Variants in SGPP2 observed in about 807,000 individuals in gnomAD.
SGPP2 encodes the protein sphingosine-1-phosphate phosphatase 2, also known as sphingosine 1-phosphate phosphohydrolase 2.
In SGPP2, 30 loss-of-function variants were observed where a neutral mutation model predicts 33.9. The ratio of observed to expected loss-of-function variants is 0.89; its 90% CI spans 0.66 to 1.20. The LOEUF is 1.20. Ranked by LOEUF, SGPP2 falls within the 50% of genes most tolerant of loss-of-function variation. The pLI, the probability that SGPP2 is intolerant of heterozygous loss-of-function variation, is 0.00. For missense variants in SGPP2, 458 were observed against 532.1 expected (o/e 0.86, Z 1.37); for synonymous variants, 233 against 225.0 (o/e 1.04, Z -0.32).
intron 4 of SGPP2, among the ~76,000 whole-genome samples, chr2:222,536,791 A>G (rs184953142): frequency 6.0e-4 from 92 of 152,370 alleles, no homozygotes; most frequent in Non-Finnish European, 1.1e-3. Flanking sequence ...GATGTTTAGG[A>G]AAATATTGGC....
At chr2:222,439,614 C>T (rs531289180) in intron 1 of SGPP2, among the ~76,000 whole-genome samples, 27 of 152,134 alleles carry the variant, frequency 1.8e-4, no homozygotes, top group Non-Finnish European at 2.8e-4. Flanking sequence ...TAGAATACTA[C>T]TCAGCAGTAA....
intron 4 of SGPP2, among the ~76,000 whole-genome samples, chr2:222,528,656 A>G (rs1698795471): frequency 6.6e-6 from 1 of 152,212 alleles, no homozygotes; most frequent in Admixed American, 6.5e-5. Context: ...TCAGTCTGTC[A>G]CCTGGGCTGG....
chr2:222,426,856 T>C (rs545646806), intron 1 of SGPP2, among the ~76,000 whole-genome samples: 1 of 152,346 alleles, frequency 6.6e-6, no homozygotes, highest in Admixed American at 6.5e-5. Flanking sequence ...TACAGGACTT[T>C]AAGGGGGCAG....
At chr2:222,512,349 G>A (rs768210743) in intron 2 of SGPP2, among the ~76,000 whole-genome samples, 9 of 152,028 alleles carry the variant, frequency 5.9e-5, no homozygotes, top group Non-Finnish European at 1.3e-4. Context: ...TAGGTTCACA[G>A]CAAAGTTGAG....
At chr2:222,443,267 G>C (rs114834510) in intron 1 of SGPP2, among the ~76,000 whole-genome samples, 1 of 152,064 alleles carries the variant, frequency 6.6e-6, no homozygotes, top group South Asian at 2.1e-4. Flanking sequence ...ATTCAGATTT[G>C]TTACATGGGT....
At chr2:222,474,930 G>C (rs1370189416) in intron 2 of SGPP2, among the ~76,000 whole-genome samples, 4 of 151,902 alleles carry the variant, frequency 2.6e-5, no homozygotes, top group Admixed American at 6.6e-5. Context: ...ATTGTAGAAA[G>C]GTAAGCTGGG....
At chr2:222,467,003 T>C (rs569559942) in intron 1 of SGPP2, among the ~76,000 whole-genome samples, 3 of 152,304 alleles carry the variant, frequency 2.0e-5, no homozygotes, top group Non-Finnish European at 1.5e-5. Context: ...CATTTTAATC[T>C]ATCACCTGGA....
intron 1 of SGPP2, among the ~76,000 whole-genome samples, chr2:222,451,403 A>T (rs1026654341): frequency 2.6e-5 from 4 of 152,236 alleles, no homozygotes; most frequent in Admixed American, 2.6e-4. Context: ...GTATGTGACC[A>T]CACATGAGAC....
chr2:222,438,766 A>G (rs1034087247), intron 1 of SGPP2, among the ~76,000 whole-genome samples: 1 of 152,168 alleles, frequency 6.6e-6, no homozygotes, highest in Non-Finnish European at 1.5e-5. Context: ...GGAATCTCCA[A>G]CCCGGTGTCT....
chr2:222,477,899 G>A lies in SGPP2; in HGVS notation c.378+3173G>A, dbSNP rs140072416. On this transcript the variant is annotated intron_variant, in intron 2 of 4. Transcript: ENST00000321276. The surrounding 1 kb of genome is among the most constrained non-coding windows in gnomAD (Gnocchi z 6.0). The stretch of plus-strand genomic sequence containing the variant: ...TGACAAGCTTTTGTCATAGAGTGAG[G>A]CAAATAAAATCTTTGCCCAAGAAAG... Among the ~76,000 whole-genome samples the A allele has an allele frequency of 6.6e-6, 1 of 152,230 alleles. No individual in the cohort carries two copies. Among genetic ancestry groups the A allele is most frequent in the Non-Finnish European group, 1.5e-5 (1 of 68,010 alleles).
chr2:222,503,147 G>T (rs1331595443), intron 2 of SGPP2, among the ~76,000 whole-genome samples: 1 of 152,062 alleles, frequency 6.6e-6, no homozygotes, highest in Non-Finnish European at 1.5e-5. Context: ...CTGACAAAAA[G>T]ATCTCTATTT....
intron 1 of SGPP2, among the ~76,000 whole-genome samples, chr2:222,427,455 T>A (rs1463132879): frequency 2.0e-5 from 3 of 152,120 alleles, no homozygotes; most frequent in Admixed American, 1.3e-4. Context: ...TATTGTTGTT[T>A]TTTGTAGAGA....
chr2:222,436,799 A>G (rs542319614), intron 1 of SGPP2, among the ~76,000 whole-genome samples: 2 of 152,210 alleles, frequency 1.3e-5, no homozygotes, highest in Non-Finnish European at 2.9e-5. Context: ...AAGAGGTCCA[A>G]TATAATCAAC....
rs200271785 is a variant in SGPP2 at position 222,561,102 on chromosome 2, CAA to C, written c.*2218_*2219del. On this transcript the variant is annotated 3_prime_UTR_variant, in exon 5 of 5. Coordinates refer to ENST00000321276, the MANE Select transcript of SGPP2 (RefSeq NM_152386.4). ...CCTGGGCGACAGAGCGAGACTCTCTCAAAAAAAAAAAAAAAGAATTTTTAGCA... is the reference window on the plus strand; with the variant it reads ...CCTGGGCGACAGAGCGAGACTCTCTCAAAAAAAAAAAAAGAATTTTTAGCA... 1.6e-4 allele frequency among the ~76,000 whole-genome samples: 20 copies of C among 121,984 alleles called. No homozygotes were observed. The highest frequency in any genetic ancestry group is 1.2e-4 in the African/African-American group (4 of 32,376). The allele number at this position is 121,984 out of a possible 152,430, so 80.0% of individuals were successfully genotyped here.
intron 1 of SGPP2, among the ~76,000 whole-genome samples, chr2:222,429,699 A>G (rs563505424): frequency 1.3e-5 from 2 of 152,350 alleles, no homozygotes; most frequent in East Asian, 1.9e-4. Context: ...AAAAATGATA[A>G]CATCTTTGTA....
chr2:222,437,318 C>T (rs781572196), intron 1 of SGPP2, among the ~76,000 whole-genome samples: 2 of 152,240 alleles, frequency 1.3e-5, no homozygotes, highest in Non-Finnish European at 2.9e-5. Context: ...AAGTGCACAA[C>T]TGGTGCACTT....
At chr2:222,447,054 A>G (rs1020975851) in intron 1 of SGPP2, among the ~76,000 whole-genome samples, 2 of 152,218 alleles carry the variant, frequency 1.3e-5, no homozygotes, top group Non-Finnish European at 2.9e-5. Context: ...GCTCCACAAT[A>G]TCATCAGACT....
intron 4 of SGPP2, among the ~76,000 whole-genome samples, chr2:222,551,178 T>TC (rs543509782): frequency 2.7e-4 from 41 of 152,252 alleles, no homozygotes; most frequent in Admixed American, 5.2e-4. Context: ...TCCTCTCTTC[T>TC]CCCTATCCCT....
At chr2:222,426,142 G>T (rs1348826735) in intron 1 of SGPP2, among the ~76,000 whole-genome samples, 1 of 149,018 alleles carries the variant, frequency 6.7e-6, no homozygotes, top group Admixed American at 6.7e-5. Flanking sequence ...AGCTTGAGGC[G>T]GAGGTTGCAG....
Sources: allele counts gnomAD v4.1 joint callset (sites outside exome capture counted in the v4.1 genomes callset), GRCh38; gene constraint gnomAD v4.1.1; non-coding constraint Gnocchi (gnomAD v3.1); transcripts MANE v1.5; gene names NCBI Gene and HGNC (gene_info 2026-07-23, HGNC 2026-07-21).